SPATA6: variants seen among roughly 807,000 people sequenced by gnomAD.
The protein encoded by SPATA6 is spermatogenesis associated 6.
In SPATA6, 56 loss-of-function variants were observed where a neutral mutation model predicts 65.3. The observed-to-expected ratio is 0.86, with a 90% CI of 0.69 to 1.07. SPATA6 has a LOEUF of 1.07. Ranked by LOEUF, SPATA6 falls within the 50% of genes least tolerant of loss-of-function variation. The probability of loss-of-function intolerance (pLI) is 0.00; values close to 1 mark genes in which losing one functional copy is unlikely to be tolerated. For missense variants in SPATA6, 590 were observed against 594.8 expected (o/e 0.99, Z 0.08); for synonymous variants, 199 against 213.2 (o/e 0.93, Z 0.58).
intron 11 of SPATA6, among the ~76,000 whole-genome samples, chr1:48,349,847 T>C (rs144568968): frequency 1.8e-3 from 268 of 152,034 alleles, no homozygotes; most frequent in African/African-American, 6.2e-3. Context: ...AGACATGCCA[T>C]AGTTTGTTCA....
rs928562415 is a variant in SPATA6 at position 48,296,916 on chromosome 1, C to T, written c.*1797G>A. 6.6e-6 allele frequency: 1 copy of T among 151,972 alleles called. No individual in the cohort carries two copies. Among genetic ancestry groups the T allele is most frequent in the African/African-American group, 2.4e-5 (1 of 41,364 alleles). The allele number at this position is 151,972 out of a possible 1,614,324, so 9.4% of individuals were successfully genotyped here. On this transcript the variant is annotated 3_prime_UTR_variant, in exon 13 of 13. Coordinates refer to ENST00000371847, the MANE Select transcript of SPATA6 (RefSeq NM_019073.4). ...GTTAATTCGATAAATATTTAAGGAA[C>T]ATCAATTACATGCCAGGCTGTCTAC...
At chr1:48,367,285 G>T (rs144232377) in intron 9 of SPATA6, among the ~76,000 whole-genome samples, 3,603 of 152,254 alleles carry the variant, frequency 0.024, 39 homozygotes, top group South Asian at 0.06. Context: ...GATTTGGGGT[G>T]GAGAGTTCTG....
chr1:48,262,784 T>C, the SPATA6 span: 3 of 152,180 alleles, frequency 2.0e-5, no homozygotes, highest in African/African-American at 4.8e-5. Context: ...CTTCTCTGAC[T>C]CTTCCATTAA....
the SPATA6 span, among the ~76,000 whole-genome samples, chr1:48,275,130 G>T: frequency 6.6e-6 from 1 of 151,988 alleles, no homozygotes; most frequent in Non-Finnish European, 1.5e-5. Flanking sequence ...TCATGATTTG[G>T]CTCTCTGTTT....
rs1557603343 is a variant in SPATA6 at position 48,355,715 on chromosome 1, T to TA, written c.1148dup (p.Asn385LysfsTer15). The stretch of plus-strand genomic sequence containing the variant: ...CCTGATGTGATTTCAAGACATTTTT[T>TA]ACCCGGTCATGGATCTCATCGCAGT... On this transcript the variant is annotated frameshift_variant, in exon 11 of 13. Coordinates refer to ENST00000371847, the MANE Select transcript of SPATA6 (RefSeq NM_019073.4). LOFTEE classifies it high-confidence loss of function. 8.1e-6 allele frequency: 13 copies of TA among 1,613,390 alleles called. No homozygotes were observed. The highest frequency in any genetic ancestry group is 1.1e-5 in the Non-Finnish European group (13 of 1,179,538).
At chr1:48,321,536 T>C (rs1645598514) in intron 11 of SPATA6, among the ~76,000 whole-genome samples, 1 of 152,138 alleles carries the variant, frequency 6.6e-6, no homozygotes, top group Non-Finnish European at 1.5e-5. Flanking sequence ...CAAATATTAT[T>C]AGAGCTAAAG....
At chr1:48,279,292 G>C in the SPATA6 span, among the ~76,000 whole-genome samples, 1 of 152,134 alleles carries the variant, frequency 6.6e-6, no homozygotes, top group Admixed American at 6.5e-5. Context: ...AAAATAACCA[G>C]ATAACATCAA....
At chr1:48,436,600 C>T (rs1654960068) in intron 3 of SPATA6, 3 of 1,613,632 alleles carry the variant, frequency 1.9e-6, no homozygotes, top group Admixed American at 3.3e-5. Flanking sequence ...TTTGGTTAAG[C>T]ATGGACAGAG....
chr1:48,267,815 G>T, the SPATA6 span, among the ~76,000 whole-genome samples: 2 of 122,468 alleles, frequency 1.6e-5, no homozygotes, highest in South Asian at 5.8e-4. Context: ...GCAGTGACAC[G>T]ATCTCGGCTC....
At chr1:48,265,030 C>G in the SPATA6 span, among the ~76,000 whole-genome samples, 1 of 152,164 alleles carries the variant, frequency 6.6e-6, no homozygotes, top group Non-Finnish European at 1.5e-5. Flanking sequence ...GCCTACTTCT[C>G]CTCTTCTGAC....
the SPATA6 span, among the ~76,000 whole-genome samples, chr1:48,271,197 T>C: frequency 0.57 from 87,212 of 151,956 alleles, 26,149 homozygotes; most frequent in East Asian, 0.79. Context: ...TCTAACATTA[T>C]ACTTATCACC....
intron 9 of SPATA6, among the ~76,000 whole-genome samples, chr1:48,381,469 CTTGA>C (rs149518324): frequency 0.025 from 3,743 of 152,028 alleles, 97 homozygotes; most frequent in African/African-American, 0.067. Flanking sequence ...TAAACAGTGC[CTTGA>C]TTGATTATTT....
the SPATA6 span, among the ~76,000 whole-genome samples, chr1:48,269,615 G>A: frequency 2.0e-5 from 3 of 152,094 alleles, no homozygotes; most frequent in East Asian, 3.9e-4. Flanking sequence ...AAGAATGGAG[G>A]ACATTTATTA....
chr1:48,369,575 C>T (rs989819632), intron 9 of SPATA6, among the ~76,000 whole-genome samples: 14 of 152,328 alleles, frequency 9.2e-5, no homozygotes, highest in African/African-American at 2.9e-4. Context: ...TAGGACCCTC[C>T]GAGCCATGTG....
chr1:48,414,815 A>C (rs983163010), intron 3 of SPATA6, among the ~76,000 whole-genome samples: 1 of 152,226 alleles, frequency 6.6e-6, no homozygotes, highest in Non-Finnish European at 1.5e-5. Flanking sequence ...CATACTACAC[A>C]GCAAAAAAAC....
At chr1:48,446,512 C>T (rs1220111875) in intron 3 of SPATA6, among the ~76,000 whole-genome samples, 1 of 152,142 alleles carries the variant, frequency 6.6e-6, no homozygotes, top group African/African-American at 2.4e-5. Flanking sequence ...TACCTGGAAG[C>T]AAAATCTGTT....
intron 8 of SPATA6, among the ~76,000 whole-genome samples, chr1:48,388,729 G>C (rs376388438): frequency 6.7e-6 from 1 of 149,058 alleles, no homozygotes; most frequent in Non-Finnish European, 1.5e-5. Flanking sequence ...TTTTTTTTGA[G>C]ATAGGGTCTC....
At chr1:48,374,151 T>C (rs1647619416) in intron 9 of SPATA6, among the ~76,000 whole-genome samples, 1 of 152,176 alleles carries the variant, frequency 6.6e-6, no homozygotes, top group Admixed American at 6.5e-5. Flanking sequence ...AAGATCCTGG[T>C]AAGCTGAGAC....
the SPATA6 span, among the ~76,000 whole-genome samples, chr1:48,278,832 G>A: frequency 3.3e-5 from 5 of 152,018 alleles, no homozygotes; most frequent in East Asian, 1.9e-4. Context: ...ATACAGAAAC[G>A]CCACAAAGAT....
Sources: allele counts gnomAD v4.1 joint callset (sites outside exome capture counted in the v4.1 genomes callset), GRCh38; gene constraint gnomAD v4.1.1; transcripts MANE v1.5; gene names NCBI Gene and HGNC (gene_info 2026-07-23, HGNC 2026-07-21).